Variants in CNTN5 observed in about 807,000 individuals in gnomAD.
The protein encoded by CNTN5 is contactin-5.
In CNTN5, 77 loss-of-function variants were observed where a neutral mutation model predicts 129.1. That is an observed-to-expected ratio of 0.60 (90% CI 0.50 to 0.72). The LOEUF is 0.72. Ranked by LOEUF, CNTN5 falls within the 30% of genes least tolerant of loss-of-function variation. CNTN5 has a pLI of 0.00. For synonymous variants in CNTN5, 509 were observed against 465.6 expected, an observed-to-expected ratio of 1.09 and a Z score of -1.20; for missense variants, 1,478 against 1,328.8, an observed-to-expected ratio of 1.11 and a Z score of -1.75.
chr11:99,563,015 A>T (rs1948891491), intron 3 of CNTN5, among the ~76,000 whole-genome samples: 1 of 152,170 alleles, frequency 6.6e-6, no homozygotes, highest in Admixed American at 6.5e-5. Context: ...TGTAATAATG[A>T]GTTATAAGAC....
intron 13 of CNTN5, among the ~76,000 whole-genome samples, chr11:100,124,902 T>C (rs2138180731): frequency 6.6e-6 from 1 of 152,216 alleles, no homozygotes; most frequent in Non-Finnish European, 1.5e-5. Flanking sequence ...TTTAAGCCAA[T>C]GGTTCTCAAA....
chr11:100,309,682 T>C (rs896880084), intron 21 of CNTN5: 4 of 984,776 alleles, frequency 4.1e-6, no homozygotes, highest in Admixed American at 6.2e-5. Context: ...CTGACCACAA[T>C]AAATATGTTG....
Position 99,180,772 on chromosome 11 carries a change from G to A in CNTN5, c.-209-144574G>A, listed in dbSNP as rs149128157. ...TAGTCGATATAGATTACAGATACGG[G>A]GTAAGCACAGGAGAATTAGAAGCAC... On this transcript the variant is annotated intron_variant, in intron 1 of 24. Coordinates refer to ENST00000524871, the MANE Select transcript of CNTN5 (RefSeq NM_014361.4). Among the ~76,000 whole-genome samples the A allele has an allele frequency of 2.4e-3, 366 of 152,208 alleles. 1 individual carries two copies. Among genetic ancestry groups the A allele is most frequent in the African/African-American group, 8.2e-3 (341 of 41,518 alleles).
At chr11:99,146,612 C>A (rs1474123616) in intron 1 of CNTN5, among the ~76,000 whole-genome samples, 1 of 152,130 alleles carries the variant, frequency 6.6e-6, no homozygotes, top group Non-Finnish European at 1.5e-5. Context: ...TGTTGATGAA[C>A]ATTTTCAGGG....
chr11:100,046,899 T>C (rs1008180773), intron 9 of CNTN5, among the ~76,000 whole-genome samples: 4 of 150,310 alleles, frequency 2.7e-5, no homozygotes, highest in Non-Finnish European at 6.0e-5. Context: ...CTAGTGTTTT[T>C]CCAGGAATTT....
At chr11:100,002,813 T>C (rs1055787462) in intron 9 of CNTN5, among the ~76,000 whole-genome samples, 1 of 151,754 alleles carries the variant, frequency 6.6e-6, no homozygotes, top group Non-Finnish European at 1.5e-5. Flanking sequence ...TATTTGATTA[T>C]TGTATTATGA....
intron 9 of CNTN5, among the ~76,000 whole-genome samples, chr11:100,049,422 A>C (rs1430237587): frequency 6.6e-6 from 1 of 152,098 alleles, no homozygotes; most frequent in Non-Finnish European, 1.5e-5. Context: ...GAAATACTAA[A>C]AACTAATAAA....
At chr11:100,098,473 A>T (rs1565237941) in intron 13 of CNTN5, among the ~76,000 whole-genome samples, 1 of 151,868 alleles carries the variant, frequency 6.6e-6, no homozygotes, top group Non-Finnish European at 1.5e-5. Flanking sequence ...GTTGTGTTTA[A>T]TCTGTCTGTC....
At chr11:100,038,105 A>T (rs1942140121) in intron 9 of CNTN5, among the ~76,000 whole-genome samples, 1 of 151,910 alleles carries the variant, frequency 6.6e-6, no homozygotes, top group African/African-American at 2.4e-5. Flanking sequence ...GTGGGCATTT[A>T]GTGCTATAAA....
chr11:99,857,507 A>G (rs78338940), intron 6 of CNTN5, among the ~76,000 whole-genome samples: 2,032 of 152,290 alleles, frequency 0.013, 45 homozygotes, highest in African/African-American at 0.045. Flanking sequence ...ATCGATTATA[A>G]GGCCCCCAAA....
intron 2 of CNTN5, among the ~76,000 whole-genome samples, chr11:99,452,404 G>T (rs1243822059): frequency 6.4e-5 from 9 of 141,476 alleles, no homozygotes; most frequent in Non-Finnish European, 1.4e-4. Context: ...ACGGAGTCTG[G>T]TTCTGTCACC....
At chr11:99,732,145 G>C (rs1213852367) in intron 3 of CNTN5, among the ~76,000 whole-genome samples, 1 of 152,152 alleles carries the variant, frequency 6.6e-6, no homozygotes, top group Non-Finnish European at 1.5e-5. Context: ...ATAGGCAAAG[G>C]ATTTAAAAGG....
intron 3 of CNTN5, among the ~76,000 whole-genome samples, chr11:99,682,679 TA>T (rs1953610031): frequency 1.3e-5 from 2 of 151,832 alleles, no homozygotes; most frequent in African/African-American, 4.8e-5. Flanking sequence ...AATTGGCACA[TA>T]AAACCAAAAT....
Position 100,163,891 on chromosome 11 carries a change from C to T in CNTN5, c.1581-27235C>T, listed in dbSNP as rs560545511. Among the ~76,000 whole-genome samples, 6 of 151,916 alleles carry T rather than the reference C, an allele frequency of 3.9e-5. No homozygotes were observed. In the South Asian group the frequency reaches 1.2e-3, roughly 31 times the overall value. On this transcript the variant is annotated intron_variant, in intron 13 of 24. Transcript: ENST00000524871. ...AAAAAGGACTTCATATGTTTTATATCATTTAGTCCCCAAATACACACATGA... is the reference window on the plus strand; with the variant it reads ...AAAAAGGACTTCATATGTTTTATATTATTTAGTCCCCAAATACACACATGA...
chr11:99,022,854 C>T (rs1487219067), intron 1 of CNTN5, among the ~76,000 whole-genome samples: 1 of 151,982 alleles, frequency 6.6e-6, no homozygotes, highest in Non-Finnish European at 1.5e-5. Flanking sequence ...ATTGGTGTAT[C>T]CTTTAAATTA....
intron 6 of CNTN5, among the ~76,000 whole-genome samples, chr11:99,892,959 A>G (rs1161646353): frequency 2.0e-5 from 3 of 152,206 alleles, no homozygotes; most frequent in African/African-American, 7.2e-5. Flanking sequence ...CCTATCCATG[A>G]GCATGAAATG....
chr11:100,051,408 G>A (rs1942947402), intron 9 of CNTN5, among the ~76,000 whole-genome samples: 1 of 151,824 alleles, frequency 6.6e-6, no homozygotes, highest in Non-Finnish European at 1.5e-5. Context: ...ATGATCAAGA[G>A]GAAATCACAA....
chr11:99,871,221 A>G (rs939458940), intron 6 of CNTN5, among the ~76,000 whole-genome samples: 4 of 152,066 alleles, frequency 2.6e-5, no homozygotes, highest in African/African-American at 4.8e-5. Flanking sequence ...TATGACCACA[A>G]AAGAGAATTT....
chr11:99,999,845 A>G (rs867111894), intron 8 of CNTN5, among the ~76,000 whole-genome samples: 28 of 152,112 alleles, frequency 1.8e-4, no homozygotes, highest in African/African-American at 6.8e-4. Context: ...TGATGAGTTC[A>G]TGTCCTTTGT....
Sources: allele counts gnomAD v4.1 joint callset (sites outside exome capture counted in the v4.1 genomes callset), GRCh38; gene constraint gnomAD v4.1.1; transcripts MANE v1.5; gene names NCBI Gene and HGNC (gene_info 2026-07-23, HGNC 2026-07-21).